The following CDH9 variants were observed in gnomAD, a reference collection of about 807,000 sequenced individuals.
CDH9 encodes cadherin-9.
Under a neutral mutation model 70.9 loss-of-function variants are expected in CDH9, and 28 were observed. The observed-to-expected ratio is 0.40, with a 90% CI of 0.29 to 0.54. The LOEUF (loss-of-function observed/expected upper bound fraction) is 0.54, where lower values mean the gene tolerates loss of function less well. CDH9 is among the 20% of genes least tolerant of loss of function. The pLI, the probability that CDH9 is intolerant of heterozygous loss-of-function variation, is 0.59. For missense variants in CDH9, 874 were observed against 984.4 expected, an observed-to-expected ratio of 0.89 and a Z score of 1.50; for synonymous variants, 409 against 343.1, an observed-to-expected ratio of 1.19 and a Z score of -2.12.
At chr5:26,959,298 A>G (rs1295385090) in intron 2 of CDH9, among the ~76,000 whole-genome samples, 1 of 152,132 alleles carries the variant, frequency 6.6e-6, no homozygotes, top group African/African-American at 2.4e-5. Context: ...AACAAAACCA[A>G]ATTGAGATAC....
In CDH9 at chr5:26,988,125, T is replaced by C. The variant is rs560374583; in HGVS notation, c.209A>G (p.Asp70Gly). 6 of 1,611,782 alleles carry C rather than the reference T, an allele frequency of 3.7e-6. No individual in the cohort carries two copies. In the South Asian group the frequency reaches 4.4e-5, roughly 12 times the overall value. Residue 70 changes from aspartate to glycine, a missense_variant, in exon 2 of 12, where the codon GAC becomes GGC. Coordinates refer to ENST00000231021, the MANE Select transcript of CDH9 (RefSeq NM_016279.4). Reference sequence around the variant, plus strand: ...TCTTACCTTGCCTACATATTGTGTGTCAGTACCTGTGTACTCTTCCAATAA... The same window carrying C: ...TCTTACCTTGCCTACATATTGTGTGCCAGTACCTGTGTACTCTTCCAATAA... ...FFLLEEYTGTDTQYVGKLHTD... is the reference protein window; with the variant it reads ...FFLLEEYTGTGTQYVGKLHTD...
intron 1 of CDH9, among the ~76,000 whole-genome samples, chr5:27,029,855 T>C (rs934552262): frequency 6.6e-6 from 1 of 151,922 alleles, no homozygotes; most frequent in Non-Finnish European, 1.5e-5. Flanking sequence ...CACCTACAAA[T>C]TATAAGATGG....
intron 2 of CDH9, among the ~76,000 whole-genome samples, chr5:26,985,435 C>A (rs1742473659): frequency 6.6e-5 from 10 of 152,056 alleles, no homozygotes; most frequent in Non-Finnish European, 1.5e-5. Flanking sequence ...AAGACTAAAT[C>A]TTATAAGTTG....
At chr5:27,011,184 T>C (rs1029931760) in intron 1 of CDH9, among the ~76,000 whole-genome samples, 1 of 152,064 alleles carries the variant, frequency 6.6e-6, no homozygotes, top group Non-Finnish European at 1.5e-5. Context: ...CTGATGATTA[T>C]TTTGCTGGAA....
At chr5:26,957,243 T>C (rs1392239576) in intron 2 of CDH9, among the ~76,000 whole-genome samples, 1 of 152,182 alleles carries the variant, frequency 6.6e-6, no homozygotes, top group Non-Finnish European at 1.5e-5. Flanking sequence ...AATTTTTTAA[T>C]CACATTTGTT....
At chr5:27,032,779 T>A (rs926360175) in intron 1 of CDH9, among the ~76,000 whole-genome samples, 1 of 151,454 alleles carries the variant, frequency 6.6e-6, no homozygotes, top group African/African-American at 2.4e-5. Context: ...TTAATTTACC[T>A]AGAAATACAA....
chr5:26,999,799 C>T (rs1238082856), intron 1 of CDH9, among the ~76,000 whole-genome samples: 3 of 151,966 alleles, frequency 2.0e-5, no homozygotes, highest in Non-Finnish European at 1.5e-5. Context: ...GTATAGGAGG[C>T]TTTTTCAGAG....
intron 2 of CDH9, among the ~76,000 whole-genome samples, chr5:26,933,377 G>A (rs900841984): frequency 1.3e-5 from 2 of 151,544 alleles, no homozygotes; most frequent in African/African-American, 4.9e-5. Context: ...ATAGGAAAAA[G>A]GGAAAGAAGT....
intron 2 of CDH9, among the ~76,000 whole-genome samples, chr5:26,967,273 T>G (rs1561022325): frequency 6.6e-6 from 1 of 152,032 alleles, no homozygotes; most frequent in African/African-American, 2.4e-5. Flanking sequence ...TTCTATCCTT[T>G]TCTCTTTTCC....
At chr5:26,938,820 A>G (rs1009614763) in intron 2 of CDH9, among the ~76,000 whole-genome samples, 3 of 152,116 alleles carry the variant, frequency 2.0e-5, no homozygotes, top group African/African-American at 7.2e-5. Context: ...TCTGAAATAT[A>G]TTATATCAAC....
chr5:26,995,600 T>C (rs1035709835), intron 1 of CDH9, among the ~76,000 whole-genome samples: 5 of 152,154 alleles, frequency 3.3e-5, no homozygotes, highest in African/African-American at 9.7e-5. Context: ...ATTTAACACC[T>C]GTACATTCCT....
chr5:26,884,558 G>C (rs376762516), intron 11 of CDH9, among the ~76,000 whole-genome samples: 6 of 152,066 alleles, frequency 3.9e-5, no homozygotes, highest in African/African-American at 1.4e-4. Flanking sequence ...CAGTGTGTTT[G>C]TTCTAAACCA....
intron 7 of CDH9, among the ~76,000 whole-genome samples, chr5:26,901,165 T>G (rs1740848188): frequency 1.3e-5 from 2 of 151,950 alleles, no homozygotes; most frequent in Non-Finnish European, 2.9e-5. Context: ...GTAAAAATCC[T>G]GCCAGAGGTA....
chr5:26,909,198 A>G (rs1046999439), intron 3 of CDH9, among the ~76,000 whole-genome samples: 1 of 152,002 alleles, frequency 6.6e-6, no homozygotes, highest in African/African-American at 2.4e-5. Context: ...GTTAGCCAGG[A>G]TGGTCTCGAT....
chr5:26,951,338 TCTC>T (rs1034053759), intron 2 of CDH9, among the ~76,000 whole-genome samples: 2 of 134,108 alleles, frequency 1.5e-5, no homozygotes, highest in Admixed American at 1.5e-4. Flanking sequence ...TATGATCTAA[TCTC>T]CTCGTAACCA....
chr5:26,915,700 A>G lies in CDH9; in HGVS notation c.453T>C (p.Asp151=). The G allele has an allele frequency of 6.2e-7, 1 of 1,611,442 alleles. No homozygotes were observed. The highest frequency in any genetic ancestry group is 8.5e-7 in the Non-Finnish European group (1 of 1,177,610). ...PESEFIIKIH[D]INDNEPKFTK... ...TAAATTTTGGCTCATTGTCATTGAT[A>G]TCATGTATTTTAATGATAAATTCCG... The change falls in exon 3 of 12, where the codon GAT becomes GAC. Residue 151 remains aspartate, a synonymous_variant. Coordinates refer to ENST00000231021, the MANE Select transcript of CDH9 (RefSeq NM_016279.4).
chr5:26,967,887 A>T (rs558168509), intron 2 of CDH9, among the ~76,000 whole-genome samples: 101 of 151,828 alleles, frequency 6.7e-4, no homozygotes, highest in African/African-American at 2.3e-3. Context: ...CTTTTTTAAA[A>T]TTTTTTGCAG....
intron 2 of CDH9, among the ~76,000 whole-genome samples, chr5:26,931,338 T>C (rs184637500): frequency 2.0e-5 from 3 of 152,046 alleles, no homozygotes; most frequent in African/African-American, 4.8e-5. Flanking sequence ...AAGAGCCCAA[T>C]CAAGATATCT....
chr5:26,933,491 A>G (rs79042623), intron 2 of CDH9, among the ~76,000 whole-genome samples: 1 of 151,930 alleles, frequency 6.6e-6, no homozygotes, highest in African/African-American at 2.4e-5. Context: ...TAAAAAAAAA[A>G]GAAGGCAGGG....
Sources: allele counts gnomAD v4.1 joint callset (sites outside exome capture counted in the v4.1 genomes callset), GRCh38; gene constraint gnomAD v4.1.1; transcripts MANE v1.5; gene names NCBI Gene and HGNC (gene_info 2026-07-23, HGNC 2026-07-21).